Variants in MYOM2 observed in about 807,000 individuals in gnomAD.
The protein encoded by MYOM2 is myomesin 2, also known as myomesin-2.
Under a neutral mutation model 187.6 loss-of-function variants are expected in MYOM2, and 254 were observed. The observed-to-expected ratio is 1.35, with a 90% CI of 1.22 to 1.50. The LOEUF is 1.50. MYOM2 is among the 40% of genes most tolerant of loss of function. The pLI is 0.00. For missense variants in MYOM2, 2,796 were observed against 1,924.0 expected (o/e 1.45, Z -8.48); for synonymous variants, 981 against 753.8 (o/e 1.30, Z -4.94).
At chr8:2,116,530 T>C (rs2116837046) in intron 27 of MYOM2, among the ~76,000 whole-genome samples, 1 of 151,888 alleles carries the variant, frequency 6.6e-6, no homozygotes, top group Non-Finnish European at 1.5e-5. Context: ...AGAATGGGGG[T>C]AGAGGAGGTG....
In MYOM2 at chr8:2,096,309, G is replaced by A. The variant is rs765956195; in HGVS notation, c.2188G>A (p.Gly730Ser). 3.6e-5 allele frequency: 58 copies of A among 1,614,038 alleles called. No individual in the cohort carries two copies. The highest frequency in any genetic ancestry group is 2.2e-4 in the East Asian group (10 of 44,874). The change falls in exon 18 of 37, where the codon GGC becomes AGC. Residue 730 changes from glycine (G) to serine (S), a missense_variant. Coordinates refer to ENST00000262113, the MANE Select transcript of MYOM2 (RefSeq NM_003970.4). ...CTGTGACGGCCACTCCATGACCCTCGGCTGGAAGGTCCCGAAATTCAGTGG... is the reference window on the plus strand; with the variant it reads ...CTGTGACGGCCACTCCATGACCCTCAGCTGGAAGGTCCCGAAATTCAGTGG... Reference protein sequence around the residue: ...LNCDGHSMTLGWKVPKFSGGS... With the variant: ...LNCDGHSMTLSWKVPKFSGGS...
intron 32 of MYOM2, 131 bp downstream of exon 32, chr8:2,129,363 A>C (rs1797772508): frequency 3.5e-6 from 2 of 569,740 alleles, no homozygotes; most frequent in Admixed American, 2.7e-5. Context: ...AATTTTGAGC[A>C]ATGATGACAA....
rs751699158 is a variant in MYOM2 at position 2,069,273 on chromosome 8, C to A, written c.654-5C>A. Reference sequence around the variant, plus strand: ...CAGACTTTCTCTTGTTTTTTTCTCTCCAAGGGCAGACTTTGACGACACTGC... The same window carrying A: ...CAGACTTTCTCTTGTTTTTTTCTCTACAAGGGCAGACTTTGACGACACTGC... On this transcript the variant is annotated splice_region_variant and splice_polypyrimidine_tract_variant and intron_variant, in intron 6 of 36. Coordinates refer to ENST00000262113, the MANE Select transcript of MYOM2 (RefSeq NM_003970.4). 8.1e-6 allele frequency: 13 copies of A among 1,608,030 alleles called. No homozygotes were observed. The highest frequency in any genetic ancestry group is 1.7e-6 in the Non-Finnish European group (2 of 1,176,838).
At chr8:2,075,847 C>G (rs1187741370) in intron 10 of MYOM2, among the ~76,000 whole-genome samples, 1 of 152,160 alleles carries the variant, frequency 6.6e-6, no homozygotes, top group Non-Finnish European at 1.5e-5. Flanking sequence ...CCGTTATGCA[C>G]CATAGCAGGA....
At chr8:2,114,923 C>T (rs912839760) in intron 25 of MYOM2, among the ~76,000 whole-genome samples, 1 of 151,924 alleles carries the variant, frequency 6.6e-6, no homozygotes, top group African/African-American at 2.4e-5. Flanking sequence ...TTCAGAATTA[C>T]AAGGAAGAGA....
intron 31 of MYOM2, among the ~76,000 whole-genome samples, chr8:2,127,264 C>G (rs1211437988): frequency 6.6e-6 from 1 of 152,110 alleles, no homozygotes; most frequent in Non-Finnish European, 1.5e-5. Context: ...CAGAGTCCCA[C>G]CTGACTGGGG....
chr8:2,099,029 G>A, intron 19 of MYOM2, 46 bp downstream of exon 19: 1 of 1,551,454 alleles, frequency 6.4e-7, no homozygotes, highest in Admixed American at 1.8e-5. Context: ...GCACAGGCTG[G>A]CTGGGAAGGG....
intron 14 of MYOM2, among the ~76,000 whole-genome samples, chr8:2,088,165 C>T (rs1364824624): frequency 6.6e-6 from 1 of 152,060 alleles, no homozygotes; most frequent in Non-Finnish European, 1.5e-5. Context: ...AAGCAGTATA[C>T]GCTGCACCAT....
At chr8:2,108,861 T>C (rs1563061344) in intron 24 of MYOM2, 31 bp downstream of exon 24, 1 of 1,611,028 alleles carries the variant, frequency 6.2e-7, no homozygotes, top group Non-Finnish European at 8.5e-7. Flanking sequence ...TCCCCTCTGC[T>C]TGCAGCTGCT....
intron 17 of MYOM2, 92 bp from the exon 18 acceptor site, chr8:2,096,155 C>T (rs1483252681): frequency 4.6e-6 from 6 of 1,300,558 alleles, no homozygotes; most frequent in East Asian, 2.3e-5. Context: ...CACGTTGCTT[C>T]CTCCTCCCTC....
chr8:2,096,118 A>C, intron 17 of MYOM2, 129 bp from the exon 18 acceptor site: 1 of 804,970 alleles, frequency 1.2e-6, no homozygotes, highest in Non-Finnish European at 2.0e-6. Flanking sequence ...GAGAGGGATC[A>C]GAGGGCACAG....
intron 25 of MYOM2, among the ~76,000 whole-genome samples, chr8:2,111,656 C>G (rs1200520922): frequency 6.6e-6 from 1 of 152,198 alleles, no homozygotes; most frequent in Non-Finnish European, 1.5e-5. Flanking sequence ...ACTGGAATCT[C>G]AGGTCCCTCT....
At chr8:2,051,315 C>T (rs1349424973) in intron 2 of MYOM2, among the ~76,000 whole-genome samples, 1 of 151,956 alleles carries the variant, frequency 6.6e-6, no homozygotes, top group South Asian at 2.1e-4. Flanking sequence ...ATGGATGTGC[C>T]GAGATCAAGA....
intron 6 of MYOM2, among the ~76,000 whole-genome samples, chr8:2,066,949 A>T (rs1819038727): frequency 6.6e-6 from 1 of 152,156 alleles, no homozygotes; most frequent in Non-Finnish European, 1.5e-5. Context: ...CTCCACGGTG[A>T]ACTAGAAGAT....
intron 14 of MYOM2, among the ~76,000 whole-genome samples, chr8:2,086,217 ATC>A (rs1796036891): frequency 1.2e-4 from 5 of 41,836 alleles, no homozygotes; most frequent in South Asian, 1.1e-3. Flanking sequence ...CACTGTCATG[ATC>A]TCTTTGTGGC....
intron 23 of MYOM2, 140 bp from the exon 24 acceptor site, chr8:2,108,646 A>G (rs550735460): frequency 1.2e-6 from 1 of 810,144 alleles, no homozygotes; most frequent in East Asian, 2.4e-5. Flanking sequence ...TGTCCCTCAG[A>G]CTTGTAGTTT....
chr8:2,142,392 A>G lies in MYOM2; in HGVS notation c.4019A>G (p.Glu1340Gly), dbSNP rs1392722916. Residue 1340 changes from glutamate (E) to glycine (G), a missense_variant, in exon 35 of 37, where the codon GAG becomes GGG. Physicochemically the swap from Glu to Gly is moderately conservative, Grantham distance 98. Coordinates refer to ENST00000262113, the MANE Select transcript of MYOM2 (RefSeq NM_003970.4). ...FQQFKAAAFA[E>G]KNRGRLIGGL... ...ACTTTTAGAGCTGCTGCTTTTGCAG[A>G]GAAGAGTAAGTACCTGTTGGATTGT... is the stretch of plus-strand genomic sequence containing the variant. 3.1e-6 allele frequency: 5 copies of G among 1,613,800 alleles called. No homozygotes were observed. The African/African-American group carries it at 4.0e-5, about 13-fold the overall frequency.
intron 35 of MYOM2, among the ~76,000 whole-genome samples, chr8:2,143,011 C>A (rs1181265673): frequency 6.6e-6 from 1 of 152,042 alleles, no homozygotes; most frequent in Admixed American, 6.5e-5. Flanking sequence ...CCGCCTTGGC[C>A]TCCCAAAGTG....
chr8:2,124,750 G>A (rs1563072639), intron 31 of MYOM2, among the ~76,000 whole-genome samples: 1 of 152,068 alleles, frequency 6.6e-6, no homozygotes, highest in African/African-American at 2.4e-5. Flanking sequence ...CTGCTTGCCA[G>A]TGTTTTATCT....
Sources: allele counts gnomAD v4.1 joint callset (sites outside exome capture counted in the v4.1 genomes callset), GRCh38; gene constraint gnomAD v4.1.1; transcripts MANE v1.5; gene names NCBI Gene and HGNC (gene_info 2026-07-23, HGNC 2026-07-21).